Variants in ALG12 observed in about 807,000 individuals in gnomAD.
ALG12 encodes the protein ALG12 alpha-1,6-mannosyltransferase, also known as dol-P-Man:Man(7)GlcNAc(2)-PP-Dol alpha-1,6-mannosyltransferase.
Under a neutral mutation model 46.0 loss-of-function variants are expected in ALG12, and 36 were observed. The ratio of observed to expected loss-of-function variants is 0.78; its 90% confidence interval spans 0.60 to 1.03. The LOEUF (loss-of-function observed/expected upper bound fraction) is 1.03. ALG12 is among the 50% of genes least tolerant of loss of function. ALG12 has a pLI of 0.00. For synonymous variants in ALG12, 326 were observed against 291.6 expected, an observed-to-expected ratio of 1.12 and a Z score of -1.20; for missense variants, 599 against 633.5, an observed-to-expected ratio of 0.95 and a Z score of 0.58.
At chr22:49,904,133 G>A (rs773222762) in intron 9 of ALG12, 46 bp downstream of exon 9, 1 of 1,614,152 alleles carries the variant, frequency 6.2e-7, no homozygotes. Context: ...CCCCCAAGGG[G>A]CCCTCACATG....
downstream of ALG12, among the ~76,000 whole-genome samples, chr22:49,897,696 C>T (rs2060488998): frequency 1.7e-5 from 2 of 114,774 alleles, no homozygotes; most frequent in Admixed American, 1.2e-4. Context: ...GAGATGGAGT[C>T]TTGCTCTGTC....
the ALG12 span, among the ~76,000 whole-genome samples, chr22:49,878,046 T>A: frequency 5.9e-5 from 9 of 152,292 alleles, no homozygotes; most frequent in Middle Eastern, 3.4e-3. Context: ...GGCTCATGCC[T>A]GTAATCCCAG....
intron 3 of ALG12, among the ~76,000 whole-genome samples, chr22:49,911,801 T>C (rs1203619794): frequency 6.6e-6 from 1 of 152,228 alleles, no homozygotes; most frequent in Non-Finnish European, 1.5e-5. Context: ...GCTGTATTTT[T>C]GGTGCTGGAA....
chr22:49,883,498 A>AT, the ALG12 span: 4 of 969,458 alleles, frequency 4.1e-6, no homozygotes, highest in Non-Finnish European at 5.8e-6. Context: ...TGAGTCACAG[A>AT]TTCTTTTTTT....
At chr22:49,891,501 C>G in the ALG12 span, among the ~76,000 whole-genome samples, 1 of 152,190 alleles carries the variant, frequency 6.6e-6, no homozygotes, top group African/African-American at 2.4e-5. Context: ...TGGTCTTCAT[C>G]TCCAATGTTG....
Position 49,910,057 on chromosome 22 carries a change from G to T in ALG12, c.501C>A (p.His167Gln). Residue 167 changes from histidine to glutamine, a missense_variant, in exon 5 of 10, where the codon CAC (histidine) becomes CAA (glutamine). By Grantham distance (24) the His-to-Gln change is conservative. Coordinates refer to ENST00000330817, the MANE Select transcript of ALG12 (RefSeq NM_024105.4). Reference protein sequence around the residue: ...VLLALAAWLRHEWARFIWLSA... With the variant: ...VLLALAAWLRQEWARFIWLSA... ...ACAGCCAGATGAAGCGGGCCCACTC[G>T]TGCCGCAGCCAGGCCGCGAGGGCCA... 6.2e-7 allele frequency: 1 copy of T among 1,612,216 alleles called. No homozygotes were observed. The highest frequency in any genetic ancestry group is 8.5e-7 in the Non-Finnish European group (1 of 1,179,538).
At chr22:49,868,809 G>A in the ALG12 span, among the ~76,000 whole-genome samples, 1 of 152,008 alleles carries the variant, frequency 6.6e-6, no homozygotes, top group Non-Finnish European at 1.5e-5. Context: ...CCCAGAGGTG[G>A]ATTGAAACGT....
Position 49,904,411 on chromosome 22 carries a change from A to G in ALG12, c.1088T>C (p.Leu363Pro). 1 of 1,614,158 alleles carries G rather than the reference A, an allele frequency of 6.2e-7. No homozygotes were observed. Among genetic ancestry groups the G allele is most frequent in the Non-Finnish European group, 8.5e-7 (1 of 1,180,026 alleles). ...TGGGTAGTTGAAATGGGACACATAC[A>G]GGGCCGTGGCTGAGTAGGCGGCATT... Reference protein sequence around the residue: ...VVNAAYSATALYVSHFNYPGG... With the variant: ...VVNAAYSATAPYVSHFNYPGG... Residue 363 changes from leucine (L) to proline (P), a missense_variant, in exon 8 of 10, where the codon CTG (leucine) becomes CCG (proline). By Grantham distance (98) the Leu-to-Pro change is moderately conservative. Coordinates refer to ENST00000330817, the MANE Select transcript of ALG12 (RefSeq NM_024105.4).
the ALG12 span, among the ~76,000 whole-genome samples, chr22:49,864,405 C>T: frequency 6.6e-6 from 1 of 152,240 alleles, no homozygotes; most frequent in African/African-American, 2.4e-5. Context: ...TCTTCCCATT[C>T]TGTGTAGTTA....
chr22:49,895,955 A>T (rs1216918506), downstream of ALG12, among the ~76,000 whole-genome samples: 4 of 152,178 alleles, frequency 2.6e-5, no homozygotes, highest in Admixed American at 2.6e-4. Context: ...GGAAGGGCAA[A>T]TGCTGGGTCT....
the ALG12 span, among the ~76,000 whole-genome samples, chr22:49,873,705 A>G: frequency 2.0e-5 from 3 of 152,250 alleles, no homozygotes; most frequent in African/African-American, 7.2e-5. Flanking sequence ...GATATGAGGT[A>G]TTGGGTCTTC....
At position 49,904,063 on chromosome 22, in the gene ALG12, G is replaced by A. The variant is rs121907935; in HGVS notation, c.1242C>T (p.Tyr414=). Residue 414 remains tyrosine (Y), a synonymous_variant, in exon 10 of 10, where the codon TAC becomes TAT. Coordinates refer to ENST00000330817, the MANE Select transcript of ALG12 (RefSeq NM_024105.4). ...RFLQVNSAWR[Y]DKREDVQPGT... ...CCGGCTGCACATCCTCCCTCTTGTCGTACCTGTGGGATGAGAGCTGGTGGT... is the reference window on the plus strand; with the variant it reads ...CCGGCTGCACATCCTCCCTCTTGTCATACCTGTGGGATGAGAGCTGGTGGT... 1.9e-5 allele frequency: 31 copies of A among 1,614,116 alleles called. No individual in the cohort carries two copies. In the Admixed American group the frequency reaches 2.8e-4, roughly 15 times the overall value.
Position 49,904,384 on chromosome 22 carries a change from C to T in ALG12, c.1115G>A (p.Gly372Asp), listed in dbSNP as rs1213050579. The change falls in exon 8 of 10, where the codon GGT becomes GAT. Residue 372 changes from glycine to aspartate, a missense_variant. Gly to Asp is a moderately conservative substitution (Grantham distance 94). Coordinates refer to ENST00000330817, the MANE Select transcript of ALG12 (RefSeq NM_024105.4). ...ALYVSHFNYP[G>D]GVAMQRLHQL... ...GTGCAGCCTCTGCATTGCGACGCCA[C>T]CTGGGTAGTTGAAATGGGACACATA... The T allele has an allele frequency of 3.1e-6, 5 of 1,614,068 alleles. No homozygotes were observed. The highest frequency in any genetic ancestry group is 4.2e-6 in the Non-Finnish European group (5 of 1,180,050).
chr22:49,867,427 G>A, the ALG12 span, among the ~76,000 whole-genome samples: 2 of 152,230 alleles, frequency 1.3e-5, no homozygotes, highest in South Asian at 2.1e-4. Context: ...TTGGCTGACG[G>A]TATTGCTCAA....
At chr22:49,862,990 C>T in the ALG12 span, among the ~76,000 whole-genome samples, 1 of 152,102 alleles carries the variant, frequency 6.6e-6, no homozygotes. Context: ...GTGTGAGCCA[C>T]CGCACCCGGC....
chr22:49,895,523 G>A (rs112627231), downstream of ALG12, among the ~76,000 whole-genome samples: 8 of 152,070 alleles, frequency 5.3e-5, no homozygotes, highest in South Asian at 6.3e-4. Context: ...GTGGTGGTGC[G>A]CACCTGTGGT....
At chr22:49,894,450 AT>A in the ALG12 span, among the ~76,000 whole-genome samples, 1,681 of 152,356 alleles carry the variant, frequency 0.011, 41 homozygotes, top group African/African-American at 0.037. Context: ...GGCTTCACAT[AT>A]CGAGTCCAAG....
the ALG12 span, among the ~76,000 whole-genome samples, chr22:49,865,053 A>C: frequency 6.6e-6 from 1 of 150,384 alleles, no homozygotes; most frequent in Non-Finnish European, 1.5e-5. Flanking sequence ...CCCGGGTCTC[A>C]CTAAGGGCAG....
the ALG12 span, among the ~76,000 whole-genome samples, chr22:49,894,034 G>A: frequency 1.3e-5 from 2 of 152,118 alleles, no homozygotes; most frequent in Non-Finnish European, 2.9e-5. Context: ...GCCTGGTGAC[G>A]CATGCCTGTA....
Sources: allele counts gnomAD v4.1 joint callset (sites outside exome capture counted in the v4.1 genomes callset), GRCh38; gene constraint gnomAD v4.1.1; transcripts MANE v1.5; gene names NCBI Gene and HGNC (gene_info 2026-07-23, HGNC 2026-07-21).